AK5: variants seen among roughly 807,000 people sequenced by gnomAD.
AK5 encodes adenylate kinase 5.
A neutral mutation model predicts 69.5 loss-of-function variants in AK5; 27 were observed. That is an observed-to-expected ratio of 0.39 (90% CI 0.29 to 0.54). The LOEUF (loss-of-function observed/expected upper bound fraction) is 0.54, where lower values mean the gene tolerates loss of function less well. Among genes scored for constraint, AK5 ranks in the 20% least tolerant of loss-of-function variants. The pLI, the probability that AK5 is intolerant of heterozygous loss-of-function variation, is 0.71. For synonymous variants in AK5, 260 were observed against 244.4 expected, an observed-to-expected ratio of 1.06 and a Z score of -0.60; for missense variants, 531 against 700.4, an observed-to-expected ratio of 0.76 and a Z score of 2.73.
chr1:77,383,885 A>G (rs1647822130), intron 6 of AK5, among the ~76,000 whole-genome samples: 1 of 152,152 alleles, frequency 6.6e-6, no homozygotes, highest in Non-Finnish European at 1.5e-5. Flanking sequence ...TTCAATTTAA[A>G]ATGTAATATA....
chr1:77,453,433 G>A (rs1194836595), intron 8 of AK5, among the ~76,000 whole-genome samples: 3 of 152,154 alleles, frequency 2.0e-5, no homozygotes, highest in African/African-American at 7.2e-5. Context: ...TTCAATCTAT[G>A]CTGATAATGT....
intron 8 of AK5, among the ~76,000 whole-genome samples, chr1:77,460,637 A>G (rs979249445): frequency 2.0e-5 from 3 of 152,244 alleles, no homozygotes; most frequent in South Asian, 2.1e-4. Flanking sequence ...ATTTGCAACA[A>G]TATGGCTGAA....
At chr1:77,509,888 T>A (rs1570282200) in intron 10 of AK5, among the ~76,000 whole-genome samples, 1 of 152,208 alleles carries the variant, frequency 6.6e-6, no homozygotes, top group Non-Finnish European at 1.5e-5. Context: ...ATAATTATGA[T>A]GTTTATTGTG....
At chr1:77,515,750 T>TA (rs1657608929) in intron 10 of AK5, among the ~76,000 whole-genome samples, 1 of 151,772 alleles carries the variant, frequency 6.6e-6, no homozygotes, top group Non-Finnish European at 1.5e-5. Flanking sequence ...CCTTGATCAT[T>TA]AAAAAAAAGG....
At chr1:77,520,701 T>C (rs1657930681) in intron 11 of AK5, among the ~76,000 whole-genome samples, 1 of 152,276 alleles carries the variant, frequency 6.6e-6, no homozygotes, top group Non-Finnish European at 1.5e-5. Flanking sequence ...TCTAGCATTC[T>C]GTACCTCTTT....
chr1:77,536,702 A>T (rs1250295134), intron 13 of AK5, among the ~76,000 whole-genome samples: 1 of 152,194 alleles, frequency 6.6e-6, no homozygotes, highest in Non-Finnish European at 1.5e-5. Flanking sequence ...CTGACTCTGG[A>T]CTGTGAGATT....
intron 13 of AK5, among the ~76,000 whole-genome samples, chr1:77,555,197 G>T (rs947453041): frequency 1.3e-5 from 2 of 152,170 alleles, no homozygotes; most frequent in Non-Finnish European, 2.9e-5. Context: ...AGAATCGCCT[G>T]AACTTGGGAG....
chr1:77,458,556 A>G (rs577996187), intron 8 of AK5, among the ~76,000 whole-genome samples: 49 of 152,370 alleles, frequency 3.2e-4, no homozygotes, highest in African/African-American at 1.1e-3. Context: ...AAACTTCACA[A>G]TCATGACGGA....
intron 12 of AK5, among the ~76,000 whole-genome samples, chr1:77,523,275 C>G (rs980853979): frequency 6.6e-6 from 1 of 152,178 alleles, no homozygotes; most frequent in Non-Finnish European, 1.5e-5. Context: ...CCCATTCTGG[C>G]TGTCCCTCGA....
chr1:77,284,282 C>T, intron 1 of AK5, among the ~76,000 whole-genome samples: 1 of 152,178 alleles, frequency 6.6e-6, no homozygotes, highest in Non-Finnish European at 1.5e-5. Context: ...TTAGTGTAGA[C>T]TGTAAAACTA....
chr1:77,485,827 C>T (rs1390807127), intron 9 of AK5, among the ~76,000 whole-genome samples: 2 of 152,134 alleles, frequency 1.3e-5, no homozygotes, highest in Non-Finnish European at 2.9e-5. Flanking sequence ...GGGAATAAGA[C>T]TGAAATAAGC....
chr1:77,361,047 T>G (rs10493604), intron 6 of AK5, among the ~76,000 whole-genome samples: 20,828 of 152,160 alleles, frequency 0.14, 1,652 homozygotes, highest in East Asian at 0.37. Context: ...CCCTTCTAGC[T>G]TGGCCTCCTA....
chr1:77,295,890 C>T (rs1658976255), intron 3 of AK5, among the ~76,000 whole-genome samples: 1 of 152,118 alleles, frequency 6.6e-6, no homozygotes, highest in Non-Finnish European at 1.5e-5. Flanking sequence ...ATACTCAAAT[C>T]TCTCCCACTT....
At chr1:77,488,019 T>G (rs1655709514) in intron 10 of AK5, among the ~76,000 whole-genome samples, 1 of 152,112 alleles carries the variant, frequency 6.6e-6, no homozygotes, top group Non-Finnish European at 1.5e-5. Context: ...TTAGAGAGGG[T>G]GACCAGGGAA....
chr1:77,479,711 C>G (rs550526583), intron 8 of AK5, among the ~76,000 whole-genome samples: 2 of 152,282 alleles, frequency 1.3e-5, no homozygotes, highest in African/African-American at 4.8e-5. Context: ...TACCTCAAAA[C>G]CTAGTTTAAT....
chr1:77,374,831 A>AG (rs1647194562), intron 6 of AK5, among the ~76,000 whole-genome samples: 1 of 152,012 alleles, frequency 6.6e-6, no homozygotes, highest in Non-Finnish European at 1.5e-5. Context: ...GAAAAAAAAA[A>AG]AAAGAAGAAG....
chr1:77,370,198 T>A (rs968248755), intron 6 of AK5, among the ~76,000 whole-genome samples: 24 of 152,152 alleles, frequency 1.6e-4, no homozygotes, highest in African/African-American at 5.3e-4. Flanking sequence ...ACCTGCTCAC[T>A]CCTGTCCCAA....
chr1:77,388,151 T>C (rs1023912664), intron 6 of AK5, among the ~76,000 whole-genome samples: 2 of 152,258 alleles, frequency 1.3e-5, no homozygotes, highest in Non-Finnish European at 2.9e-5. Flanking sequence ...TTTAAGAGAC[T>C]CAAGGTTTGA....
intron 13 of AK5, among the ~76,000 whole-genome samples, chr1:77,546,995 C>T (rs1244261714): frequency 2.0e-5 from 3 of 152,142 alleles, no homozygotes; most frequent in African/African-American, 7.2e-5. Context: ...GAATTAAAGT[C>T]GTGGCAGATG....
Sources: allele counts gnomAD v4.1 joint callset (sites outside exome capture counted in the v4.1 genomes callset), GRCh38; gene constraint gnomAD v4.1.1; transcripts MANE v1.5; gene names NCBI Gene and HGNC (gene_info 2026-07-23, HGNC 2026-07-21).